The following NAV2 variants were observed in gnomAD, a reference collection of about 807,000 sequenced individuals.
NAV2 encodes the protein helicase, APC down-regulated 1.
NAV2 carries 54 observed loss-of-function variants against 223.2 expected under a neutral mutation model. The observed-to-expected ratio is 0.24, with a 90% confidence interval of 0.19 to 0.30. NAV2 has a LOEUF of 0.30. Among genes scored for constraint, NAV2 ranks in the 10% least tolerant of loss-of-function variants. The pLI is 1.00. For synonymous variants in NAV2, 1,279 were observed against 1,239.3 expected (o/e 1.03, Z -0.67); for missense variants, 2,806 against 3,147.5 (o/e 0.89, Z 2.60).
intron 3 of NAV2, among the ~76,000 whole-genome samples, chr11:19,861,001 G>C (rs912399910): frequency 6.7e-6 from 1 of 149,660 alleles, no homozygotes; most frequent in Non-Finnish European, 1.5e-5. Context: ...GCTTCGGCTC[G>C]GCATCAGAGG....
chr11:19,768,873 T>C (rs2055461988), intron 1 of NAV2, among the ~76,000 whole-genome samples: 1 of 152,224 alleles, frequency 6.6e-6, no homozygotes, highest in Non-Finnish European at 1.5e-5. Flanking sequence ...AGCACTTAGA[T>C]AGTGCCTAGG....
chr11:20,089,462 T>A (rs948984821), intron 26 of NAV2, among the ~76,000 whole-genome samples: 1 of 152,208 alleles, frequency 6.6e-6, no homozygotes, highest in African/African-American at 2.4e-5. Context: ...CCTCACCCAG[T>A]TTTACAGGTC....
At chr11:19,918,313 G>C (rs1270122541) in intron 6 of NAV2, among the ~76,000 whole-genome samples, 1 of 152,222 alleles carries the variant, frequency 6.6e-6, no homozygotes, top group Non-Finnish European at 1.5e-5. Context: ...TGGATTGACA[G>C]CTGGGAGTGG....
intron 6 of NAV2, among the ~76,000 whole-genome samples, chr11:19,911,704 C>T (rs1216578042): frequency 1.3e-5 from 2 of 152,116 alleles, no homozygotes; most frequent in East Asian, 3.9e-4. Flanking sequence ...AGAATGCCTA[C>T]CCAAGCCAGT....
intron 20 of NAV2, among the ~76,000 whole-genome samples, chr11:20,063,637 A>G (rs919096524): frequency 1.3e-5 from 2 of 152,072 alleles, no homozygotes; most frequent in African/African-American, 4.8e-5. Flanking sequence ...AGCCTCCCGA[A>G]GTGTTGGGAT....
chr11:19,754,872 G>T (rs1294886567), intron 1 of NAV2, among the ~76,000 whole-genome samples: 1 of 152,154 alleles, frequency 6.6e-6, no homozygotes, highest in African/African-American at 2.4e-5. Flanking sequence ...GCCTACCGTG[G>T]TATGGAGGAG....
chr11:19,861,438 G>A (rs2061782710), intron 3 of NAV2, among the ~76,000 whole-genome samples: 1 of 152,148 alleles, frequency 6.6e-6, no homozygotes, highest in Non-Finnish European at 1.5e-5. Context: ...CTGTTGCCCA[G>A]GGCCACTCAT....
intron 1 of NAV2, among the ~76,000 whole-genome samples, chr11:19,484,595 G>A (rs2042383825): frequency 6.6e-6 from 1 of 152,210 alleles, no homozygotes; most frequent in South Asian, 2.1e-4. Context: ...CCCTCTTGGA[G>A]AAAGTTCCAA....
intron 10 of NAV2, among the ~76,000 whole-genome samples, chr11:19,958,232 G>C (rs2048049258): frequency 6.6e-6 from 1 of 152,138 alleles, no homozygotes; most frequent in Non-Finnish European, 1.5e-5. Flanking sequence ...CTACCTTCTG[G>C]GTAGGCTCCA....
intron 6 of NAV2, among the ~76,000 whole-genome samples, 179 bp from the exon 7 acceptor site, chr11:19,932,985 TGCAGTATGGAAA>T (rs1438721748): frequency 6.6e-6 from 1 of 152,212 alleles, no homozygotes; most frequent in African/African-American, 2.4e-5. Context: ...ATGTGAACTG[TGCAGTATGGAAA>T]GCAGGAGGAA....
At chr11:19,519,668 A>G (rs987155517) in intron 1 of NAV2, 1 of 152,272 alleles carries the variant, frequency 6.6e-6, no homozygotes, top group Non-Finnish European at 1.5e-5. Flanking sequence ...GATTCAGCCC[A>G]GCATGTCAAT....
intron 1 of NAV2, among the ~76,000 whole-genome samples, chr11:19,804,728 T>C (rs2058455178): frequency 1.3e-5 from 2 of 152,172 alleles, no homozygotes; most frequent in Non-Finnish European, 2.9e-5. Flanking sequence ...CAAGGGGATA[T>C]GGAGATAATG....
At chr11:20,023,253 C>A in intron 11 of NAV2, 2 of 474,480 alleles carry the variant, frequency 4.2e-6, no homozygotes, top group African/African-American at 2.3e-5. Context: ...CTGCCTAAAT[C>A]ACTGTGAGCT....
In NAV2 at chr11:19,587,565, G is replaced by A. The variant is rs118163245; in HGVS notation, c.75+236538G>A. On this transcript the variant is annotated intron_variant, in intron 1 of 37. Coordinates refer to the NAV2 transcript ENST00000360655. The stretch of plus-strand genomic sequence containing the variant: ...AAAGATTGAGAGTTCATTTTATCAG[G>A]GCTTTTTGGTCCTCATAGAAAACTC... 8.9e-3 allele frequency among the ~76,000 whole-genome samples: 1,358 copies of A among 152,222 alleles called. 9 individuals carry two copies. Among genetic ancestry groups the A allele is most frequent in the Admixed American group, 0.013 (199 of 15,288 alleles).
At chr11:19,545,060 T>C (rs532683625) in intron 1 of NAV2, among the ~76,000 whole-genome samples, 30 of 152,300 alleles carry the variant, frequency 2.0e-4, no homozygotes, top group African/African-American at 6.7e-4. Flanking sequence ...AGTTGAGCAG[T>C]TGCCTTAATC....
chr11:19,704,197 T>C (rs972142356), intron 1 of NAV2, among the ~76,000 whole-genome samples: 1 of 152,282 alleles, frequency 6.6e-6, no homozygotes, highest in South Asian at 2.1e-4. Flanking sequence ...ACTGGTGATC[T>C]TTCCTTGCCT....
intron 22 of NAV2, among the ~76,000 whole-genome samples, chr11:20,069,097 T>A (rs2059231406): frequency 6.6e-6 from 1 of 151,678 alleles, no homozygotes. Flanking sequence ...GGACAGCTCA[T>A]CTGATATTGA....
intron 1 of NAV2, among the ~76,000 whole-genome samples, chr11:19,569,349 T>C (rs745310776): frequency 6.6e-6 from 1 of 152,166 alleles, no homozygotes; most frequent in Non-Finnish European, 1.5e-5. Context: ...TGGTTCCTTG[T>C]CTATTGTCTC....
chr11:19,697,507 CTT>C (rs546880604), intron 1 of NAV2, among the ~76,000 whole-genome samples: 1 of 144,372 alleles, frequency 6.9e-6, no homozygotes, highest in Admixed American at 6.9e-5. Flanking sequence ...CAAGATAGTT[CTT>C]TTTTTTTTTT....
Sources: gnomAD v4.1 joint callset for allele counts (sites outside exome capture counted in the v4.1 genomes callset) on GRCh38, gnomAD v4.1.1 for gene constraint, MANE v1.5 for transcripts, NCBI Gene and HGNC (gene_info 2026-07-23, HGNC 2026-07-21) for gene names.